The following NEMP1 variants were observed in gnomAD, a reference collection of about 807,000 sequenced individuals.
NEMP1 encodes the protein nuclear envelope integral membrane protein 1.
Under a neutral mutation model 53.7 loss-of-function variants are expected in NEMP1, and 29 were observed. The observed-to-expected ratio is 0.54, with a 90% CI of 0.40 to 0.74. NEMP1 has a LOEUF of 0.74. Among genes scored for constraint, NEMP1 ranks in the 30% least tolerant of loss-of-function variants. The pLI is 0.00. For missense variants in NEMP1, 477 were observed against 528.6 expected, an observed-to-expected ratio of 0.90 and a Z score of 0.96; for synonymous variants, 193 against 192.9, an observed-to-expected ratio of 1.00 and a Z score of 0.00.
chr12:57,074,475 G>T (rs1418365506), intron 1 of NEMP1, among the ~76,000 whole-genome samples: 3 of 151,442 alleles, frequency 2.0e-5, no homozygotes, highest in Non-Finnish European at 4.4e-5. Flanking sequence ...TTGTGTGTGT[G>T]TATTTTTGTA....
In NEMP1 at chr12:57,058,473, A is replaced by G. The variant is rs1416819855; in HGVS notation, c.*1406T>C. Reference sequence around the variant, plus strand: ...TATAAGGGTGAAGACCACAAAGAAAAAGAACCAAGTAAATGACAGACACTT... The same window carrying G: ...TATAAGGGTGAAGACCACAAAGAAAGAGAACCAAGTAAATGACAGACACTT... On this transcript the variant is annotated 3_prime_UTR_variant, in exon 9 of 9. Coordinates refer to ENST00000300128, the MANE Select transcript of NEMP1 (RefSeq NM_001130963.2). The G allele has an allele frequency of 6.6e-6, 1 of 152,226 alleles. No individual in the cohort carries two copies. The highest frequency in any genetic ancestry group is 2.4e-5 in the African/African-American group (1 of 41,460). 9.4% of individuals were successfully genotyped at this position (152,226 alleles called of 1,614,324 possible). A position where few individuals can be genotyped will look rare whatever the true frequency, so the allele number is the denominator to read the frequency against.
chr12:57,078,977 A>G (rs1015635431), upstream of NEMP1, among the ~76,000 whole-genome samples: 1 of 152,234 alleles, frequency 6.6e-6, no homozygotes, highest in Non-Finnish European at 1.5e-5. Context: ...TCACCCTAGC[A>G]GTGGCGACAG....
In NEMP1 at chr12:57,064,201, G is replaced by T. The variant is rs895201954; in HGVS notation, c.640-16C>A. 2.6e-6 allele frequency: 4 copies of T among 1,516,270 alleles called. No individual in the cohort carries two copies. The African/African-American group carries it at 4.2e-5, about 16-fold the overall frequency. 93.9% of individuals were successfully genotyped at this position (1,516,270 alleles called of 1,614,324 possible). Reference sequence around the variant, plus strand: ...TGGGACTTTTCTAAGACAGAGAGTAGAAGTGAAAGCAAAAAGTTACAACAG... The same window carrying T: ...TGGGACTTTTCTAAGACAGAGAGTATAAGTGAAAGCAAAAAGTTACAACAG... On this transcript the variant is annotated splice_polypyrimidine_tract_variant and intron_variant, in intron 5 of 8. Coordinates refer to ENST00000300128, the MANE Select transcript of NEMP1 (RefSeq NM_001130963.2).
chr12:57,060,188 T>G, intron 8 of NEMP1, 129 bp from the exon 9 acceptor site: 1 of 832,382 alleles, frequency 1.2e-6, no homozygotes, highest in Non-Finnish European at 1.8e-6. Flanking sequence ...GCCAACATCC[T>G]TGTCCTTACT....
intron 1 of NEMP1, among the ~76,000 whole-genome samples, chr12:57,074,299 T>TG: frequency 6.6e-6 from 1 of 151,492 alleles, no homozygotes; most frequent in Non-Finnish European, 1.5e-5. Context: ...AGCATTTTTT[T>TG]TTTTTTTTTT....
At chr12:57,086,870 C>T (rs1306658970) in intron 1 of NEMP1, among the ~76,000 whole-genome samples, 1 of 152,248 alleles carries the variant, frequency 6.6e-6, no homozygotes, top group Non-Finnish European at 1.5e-5. Flanking sequence ...GGTACAGAGA[C>T]ACAAACTGGC....
intron 1 of NEMP1, among the ~76,000 whole-genome samples, chr12:57,086,551 G>A (rs1465588388): frequency 6.6e-6 from 1 of 151,694 alleles, no homozygotes; most frequent in Non-Finnish European, 1.5e-5. Flanking sequence ...ACACACACCT[G>A]TCTCTTTATG....
In NEMP1 at chr12:57,070,859, G is replaced by A. The variant is rs759050107; in HGVS notation, c.287C>T (p.Thr96Ile). Residue 96 changes from threonine to isoleucine, a missense_variant, in exon 3 of 9, where the codon ACC (threonine) becomes ATC (isoleucine). By Grantham distance (89) the Thr-to-Ile change is moderately conservative (BLOSUM62 -1). Transcript: ENST00000300128. Reference sequence around the variant, plus strand: ...CAGTTTCTCCTCATTCTCCACCTGGGTGACTCGAACCAATCTGGAACTATT... The same window carrying A: ...CAGTTTCTCCTCATTCTCCACCTGGATGACTCGAACCAATCTGGAACTATT... ...RVNSSRLVRVTQVENEEKLKE... is the reference protein window; with the variant it reads ...RVNSSRLVRVIQVENEEKLKE... The A allele has an allele frequency of 2.5e-6, 4 of 1,614,056 alleles. No homozygotes were observed. The South Asian group carries it at 4.4e-5, about 18-fold the overall frequency.
At chr12:57,080,534 G>A (rs373009584), upstream of NEMP1, among the ~76,000 whole-genome samples, 1 of 142,218 alleles carries the variant, frequency 7.0e-6, no homozygotes, top group Non-Finnish European at 1.5e-5. Flanking sequence ...AGCCAAGATC[G>A]CCCCATTGCA....
Position 57,059,732 on chromosome 12 carries a change from G to A in NEMP1, c.*147C>T, listed in dbSNP as rs1238089168. ...CCATAGAGACCTCCCATTTCCAAAG[G>A]GAGGCCTTTTTAGGCCTCTTATTTC... On this transcript the variant is annotated 3_prime_UTR_variant, in exon 9 of 9. Transcript: ENST00000300128. 1.5e-6 allele frequency: 1 copy of A among 650,300 alleles called. No individual in the cohort carries two copies. Among genetic ancestry groups the A allele is most frequent in the African/African-American group, 1.8e-5 (1 of 54,640 alleles). 40.3% of individuals were successfully genotyped at this position (650,300 alleles called of 1,614,324 possible). A position where few individuals can be genotyped will look rare whatever the true frequency, so the allele number is the denominator to read the frequency against.
At chr12:57,060,112 C>T in intron 8 of NEMP1, 53 bp from the exon 9 acceptor site, 3 of 1,548,592 alleles carry the variant, frequency 1.9e-6, no homozygotes, top group Non-Finnish European at 1.8e-6. Context: ...CCTTTCTGGT[C>T]TTCTTTCAAA....
At position 57,064,689 on chromosome 12, in the gene NEMP1, G is replaced by A; in HGVS notation, c.596C>T (p.Ser199Phe). The change falls in exon 5 of 9, where the codon TCT becomes TTT. Residue 199 changes from serine to phenylalanine, a missense_variant. By Grantham distance (155) the Ser-to-Phe change is radical (BLOSUM62 -2). Coordinates refer to ENST00000300128, the MANE Select transcript of NEMP1 (RefSeq NM_001130963.2). ...STGMTVGIVA[S>F]LLIIIFILSK... is the part of the protein sequence containing the mutation. ...TAGTATAAAAATGATGATTAGCAGAGAGGCCACAATTCCCACAGTCATCCC... is the reference window on the plus strand; with the variant it reads ...TAGTATAAAAATGATGATTAGCAGAAAGGCCACAATTCCCACAGTCATCCC... 1 of 1,612,792 alleles carries A rather than the reference G, an allele frequency of 6.2e-7. No homozygotes were observed. Among genetic ancestry groups the A allele is most frequent in the Non-Finnish European group, 8.5e-7 (1 of 1,179,430 alleles).
intron 3 of NEMP1, among the ~76,000 whole-genome samples, 156 bp from the exon 4 acceptor site, chr12:57,069,462 C>A (rs1262135709): frequency 1.3e-5 from 2 of 152,122 alleles, no homozygotes; most frequent in Non-Finnish European, 2.9e-5. Context: ...AGCCTGGGCA[C>A]CCTTCCAATG....
intron 4 of NEMP1, among the ~76,000 whole-genome samples, chr12:57,068,770 G>A (rs2032212247): frequency 6.6e-6 from 1 of 152,134 alleles, no homozygotes; most frequent in Admixed American, 6.5e-5. Flanking sequence ...GTTTCACCGT[G>A]TTAGCCAGGA....
chr12:57,077,125 G>A (rs1475475028), intron 1 of NEMP1, among the ~76,000 whole-genome samples: 1 of 152,040 alleles, frequency 6.6e-6, no homozygotes, highest in South Asian at 2.1e-4. Flanking sequence ...GAGGTCAGGA[G>A]ATCAAGACCA....
Position 57,060,035 on chromosome 12 carries a change from A to T in NEMP1, c.1179T>A (p.Ser393=). Residue 393 remains serine, a synonymous_variant, in exon 9 of 9, where the codon TCT becomes TCA. Coordinates refer to ENST00000300128, the MANE Select transcript of NEMP1 (RefSeq NM_001130963.2). The part of the protein sequence containing the change: ...PKRFADFVEG[S]SHLTPNEVSV... ...AAACTTCATTTGGCGTGAGGTGGGA[A>T]GAGCCTTCCACAAAGTCAGCAAATC... 1 of 1,613,990 alleles carries T rather than the reference A, an allele frequency of 6.2e-7. No individual in the cohort carries two copies.
intron 1 of NEMP1, among the ~76,000 whole-genome samples, chr12:57,085,274 G>A (rs1468079822): frequency 6.6e-6 from 1 of 152,004 alleles, no homozygotes; most frequent in African/African-American, 2.4e-5. Context: ...TCAACTTCTG[G>A]GCTCAAATGT....
intron 4 of NEMP1, among the ~76,000 whole-genome samples, chr12:57,066,406 A>T (rs2032079427): frequency 1.3e-5 from 2 of 152,158 alleles, no homozygotes; most frequent in South Asian, 4.1e-4. Flanking sequence ...TCCTTCAAGA[A>T]CTTTCCCTTT....
At chr12:57,064,528 T>C (rs2031978875) in intron 5 of NEMP1, 118 bp downstream of exon 5, 3 of 672,236 alleles carry the variant, frequency 4.5e-6, no homozygotes, top group East Asian at 2.7e-5. Context: ...TCAAGGAGAG[T>C]AGGATATTGA....
Sources: gnomAD v4.1 joint callset for allele counts (sites outside exome capture counted in the v4.1 genomes callset) on GRCh38, gnomAD v4.1.1 for gene constraint, MANE v1.5 for transcripts, NCBI Gene and HGNC (gene_info 2026-07-23, HGNC 2026-07-21) for gene names.